The following ERBB4 variants were observed in gnomAD, a reference collection of about 807,000 sequenced individuals.
ERBB4 encodes erb-b2 receptor tyrosine kinase 4, also known as receptor tyrosine-protein kinase erbB-4.
A neutral mutation model predicts 158.0 loss-of-function variants in ERBB4; 42 were observed. That is an observed-to-expected ratio of 0.27 (90% CI 0.21 to 0.34). The LOEUF is 0.34. Among genes scored for constraint, ERBB4 ranks in the 10% least tolerant of loss-of-function variants. The probability of loss-of-function intolerance (pLI) is 1.00; values close to 1 mark genes in which losing one functional copy is unlikely to be tolerated. For synonymous variants in ERBB4, 583 were observed against 558.7 expected, an observed-to-expected ratio of 1.04 and a Z score of -0.61; for missense variants, 1,333 against 1,624.1, an observed-to-expected ratio of 0.82 and a Z score of 3.08.
intron 2 of ERBB4, among the ~76,000 whole-genome samples, chr2:212,014,963 C>T (rs754291357): frequency 7.5e-5 from 11 of 146,268 alleles, no homozygotes; most frequent in South Asian, 6.6e-4. Context: ...GAGGCGAAGG[C>T]GGATGGATCA....
chr2:211,659,896 G>A lies in ERBB4; in HGVS notation c.1872-2068C>T, dbSNP rs149913478. Among the ~76,000 whole-genome samples, 253 of 152,288 alleles carry A rather than the reference G, an allele frequency of 1.7e-3. 1 individual carries two copies. Among genetic ancestry groups the A allele is most frequent in the African/African-American group, 5.7e-3 (235 of 41,564 alleles). On this transcript the variant is annotated intron_variant, in intron 15 of 27. Transcript: ENST00000342788. ...ATGAAAAAGTGGTTCATGGTAGTGTGGAGGGCAGACACCTAGAGCCAACCT... is the reference window on the plus strand; with the variant it reads ...ATGAAAAAGTGGTTCATGGTAGTGTAGAGGGCAGACACCTAGAGCCAACCT...
intron 3 of ERBB4, among the ~76,000 whole-genome samples, chr2:211,870,752 T>C (rs757565694): frequency 6.6e-6 from 1 of 152,114 alleles, no homozygotes; most frequent in African/African-American, 2.4e-5. Context: ...TATATATATA[T>C]GTATATATAC....
chr2:211,903,851 CAAGAAAAGAA>C (rs200071957), intron 3 of ERBB4, among the ~76,000 whole-genome samples: 1 of 151,022 alleles, frequency 6.6e-6, no homozygotes, highest in Non-Finnish European at 1.5e-5. Flanking sequence ...ACCAGATTAA[CAAGAAAAGAA>C]AAGAAAAGAA....
At chr2:211,845,287 G>A (rs2077562720) in intron 3 of ERBB4, among the ~76,000 whole-genome samples, 1 of 150,818 alleles carries the variant, frequency 6.6e-6, no homozygotes, top group African/African-American at 2.4e-5. Context: ...TGCCACATCA[G>A]AATTGGTAAA....
intron 1 of ERBB4, among the ~76,000 whole-genome samples, chr2:212,348,452 ATTAC>A (rs1461474584): frequency 6.6e-6 from 1 of 152,164 alleles, no homozygotes; most frequent in Non-Finnish European, 1.5e-5. Flanking sequence ...GATTAGTGTT[ATTAC>A]TTACAGCTAA....
intron 20 of ERBB4, among the ~76,000 whole-genome samples, chr2:211,481,186 G>C (rs1334043849): frequency 1.3e-5 from 2 of 151,994 alleles, no homozygotes; most frequent in African/African-American, 4.8e-5. Context: ...TTAGAACAAA[G>C]CTCAGTGGGA....
intron 2 of ERBB4, among the ~76,000 whole-genome samples, chr2:212,000,765 G>A (rs1358858337): frequency 6.6e-6 from 1 of 151,636 alleles, no homozygotes; most frequent in East Asian, 1.9e-4. Context: ...ATAGAATCAT[G>A]TATATATTTT....
intron 4 of ERBB4, among the ~76,000 whole-genome samples, chr2:211,765,281 T>C (rs542440626): frequency 3.3e-5 from 5 of 152,240 alleles, no homozygotes; most frequent in African/African-American, 1.2e-4. Context: ...ATCATCATGC[T>C]TTTTGGAAGG....
chr2:212,301,268 T>A (rs2086611544), intron 1 of ERBB4, among the ~76,000 whole-genome samples: 1 of 151,376 alleles, frequency 6.6e-6, no homozygotes, highest in East Asian at 1.9e-4. Flanking sequence ...GCTTCTATTT[T>A]TCCTTTTCTT....
chr2:211,956,775 C>T (rs1001644534), intron 2 of ERBB4, among the ~76,000 whole-genome samples: 4 of 152,010 alleles, frequency 2.6e-5, no homozygotes, highest in Non-Finnish European at 4.4e-5. Context: ...GATATAGCTT[C>T]AGTCAGATTA....
intron 19 of ERBB4, among the ~76,000 whole-genome samples, chr2:211,616,813 C>T (rs2069409842): frequency 6.6e-6 from 1 of 152,152 alleles, no homozygotes; most frequent in African/African-American, 2.4e-5. Context: ...AATCTTCCAG[C>T]ATCTATCCAC....
chr2:212,285,587 T>C (rs1387620708), intron 1 of ERBB4, among the ~76,000 whole-genome samples: 1 of 152,160 alleles, frequency 6.6e-6, no homozygotes, highest in Non-Finnish European at 1.5e-5. Context: ...TCCCAAATGC[T>C]AGTTACGAAG....
At chr2:212,203,180 G>A (rs546285181) in intron 1 of ERBB4, among the ~76,000 whole-genome samples, 1 of 152,154 alleles carries the variant, frequency 6.6e-6, no homozygotes, top group South Asian at 2.1e-4. Context: ...GAACAAATGG[G>A]AGAAGAGATA....
In ERBB4 at chr2:212,071,456, G is replaced by A. The variant is rs543046427; in HGVS notation, c.234+53296C>T. Among the ~76,000 whole-genome samples the A allele has an allele frequency of 1.1e-3, 172 of 151,932 alleles. 1 individual carries two copies. Among genetic ancestry groups the A allele is most frequent in the Non-Finnish European group, 1.5e-3 (103 of 67,872 alleles). ...AATCAAAGACATAATACATTTACAG[G>A]GTAATGCAGCCTAAGGTTTTTCAAG... is the stretch of plus-strand genomic sequence containing the variant. On this transcript the variant is annotated intron_variant, in intron 2 of 27. Coordinates refer to ENST00000342788, the MANE Select transcript of ERBB4 (RefSeq NM_005235.3).
intron 3 of ERBB4, among the ~76,000 whole-genome samples, chr2:211,847,544 C>A (rs1250220510): frequency 6.6e-6 from 1 of 152,158 alleles, no homozygotes; most frequent in African/African-American, 2.4e-5. Flanking sequence ...GCAAGCTTGT[C>A]CAACCTGCAG....
chr2:211,603,200 C>A (rs1197370241), intron 19 of ERBB4, among the ~76,000 whole-genome samples: 2 of 152,050 alleles, frequency 1.3e-5, no homozygotes, highest in African/African-American at 2.4e-5. Flanking sequence ...CACTGCACTG[C>A]AGCCCGGGCG....
At chr2:211,695,622 A>G (rs1320621443) in intron 12 of ERBB4, among the ~76,000 whole-genome samples, 1 of 152,154 alleles carries the variant, frequency 6.6e-6, no homozygotes, top group Non-Finnish European at 1.5e-5. Flanking sequence ...AAATTCTTCA[A>G]TGTCTAGCCT....
At chr2:211,870,017 T>C (rs2078302957) in intron 3 of ERBB4, among the ~76,000 whole-genome samples, 1 of 152,176 alleles carries the variant, frequency 6.6e-6, no homozygotes, top group African/African-American at 2.4e-5. Context: ...TTCACTGTCC[T>C]CCTTGTGATT....
At chr2:212,005,264 C>T (rs541044805) in intron 2 of ERBB4, among the ~76,000 whole-genome samples, 2 of 152,182 alleles carry the variant, frequency 1.3e-5, no homozygotes, top group East Asian at 1.9e-4. Flanking sequence ...GAAATTTTGC[C>T]GCCCGGACCT....
Sources: allele counts gnomAD v4.1 joint callset (sites outside exome capture counted in the v4.1 genomes callset), GRCh38; gene constraint gnomAD v4.1.1; transcripts MANE v1.5; gene names NCBI Gene and HGNC (gene_info 2026-07-23, HGNC 2026-07-21).